ALDH1L1: variants seen among roughly 807,000 people sequenced by gnomAD.
ALDH1L1 encodes aldehyde dehydrogenase 1 family member L1.
In ALDH1L1, 68 loss-of-function variants were observed where a neutral mutation model predicts 101.1. The ratio of observed to expected loss-of-function variants is 0.67; its 90% CI spans 0.55 to 0.82. The LOEUF is 0.82. Among genes scored for constraint, ALDH1L1 ranks in the 40% least tolerant of loss-of-function variants. ALDH1L1 has a pLI of 0.00. For synonymous variants in ALDH1L1, 486 were observed against 470.8 expected, an observed-to-expected ratio of 1.03 and a Z score of -0.42; for missense variants, 1,087 against 1,172.7, an observed-to-expected ratio of 0.93 and a Z score of 1.07.
intron 1 of ALDH1L1, among the ~76,000 whole-genome samples, chr3:126,176,080 C>T (rs368244287): frequency 4.0e-4 from 61 of 152,216 alleles, no homozygotes; most frequent in African/African-American, 1.4e-3. Context: ...ATTAAAAACA[C>T]AAAACCATTT....
At chr3:126,106,646 C>A (rs1945882939) in intron 21 of ALDH1L1, among the ~76,000 whole-genome samples, 2 of 152,176 alleles carry the variant, frequency 1.3e-5, no homozygotes, top group African/African-American at 4.8e-5. Context: ...GCCTCGGCAA[C>A]CCCGAGGCTG....
At chr3:126,117,143 G>A (rs141835068) in intron 17 of ALDH1L1, among the ~76,000 whole-genome samples, 44 of 151,414 alleles carry the variant, frequency 2.9e-4, no homozygotes, top group Non-Finnish European at 4.9e-4. Flanking sequence ...TACTCAGGAG[G>A]CTAAGGTAGG....
chr3:126,176,876 C>T (rs1381707969), intron 1 of ALDH1L1, among the ~76,000 whole-genome samples: 2 of 152,106 alleles, frequency 1.3e-5, no homozygotes, highest in African/African-American at 4.8e-5. Flanking sequence ...AAACAAACAA[C>T]CCAATTTTAA....
At chr3:126,109,660 A>C (rs1946011879) in intron 20 of ALDH1L1, among the ~76,000 whole-genome samples, 2 of 152,140 alleles carry the variant, frequency 1.3e-5, no homozygotes, top group African/African-American at 4.8e-5. Context: ...GTCTCATGAA[A>C]TCTATGGGGG....
chr3:126,186,486 A>C (rs1370276948), upstream of ALDH1L1, among the ~76,000 whole-genome samples: 2 of 148,484 alleles, frequency 1.3e-5, no homozygotes, highest in African/African-American at 4.9e-5. Context: ...CCTGACCCTG[A>C]CCCTGAACCT....
intron 6 of ALDH1L1, among the ~76,000 whole-genome samples, chr3:126,154,198 G>A (rs1442451616): frequency 6.6e-6 from 1 of 152,218 alleles, no homozygotes; most frequent in African/African-American, 2.4e-5. Context: ...GCCTGGCCCT[G>A]AATGTGCTGC....
At chr3:126,192,406 C>T (rs2081558112) in intron 1 of ALDH1L1, among the ~76,000 whole-genome samples, 1 of 152,174 alleles carries the variant, frequency 6.6e-6, no homozygotes, top group South Asian at 2.1e-4. Context: ...ATACTTTTAA[C>T]CCTTCCTATA....
In ALDH1L1 at chr3:126,107,137, C is replaced by T; in HGVS notation, c.2453+4G>A. On this transcript the variant is annotated splice_donor_region_variant and intron_variant, in intron 21 of 22. Coordinates refer to ENST00000393434, the MANE Select transcript of ALDH1L1 (RefSeq NM_012190.4). ...GCCCTTGAGACATCAGCAGGATTCC[C>T]TACCCATCAGCAAACCGAGAGATGA... 1 of 1,613,458 alleles carries T rather than the reference C, an allele frequency of 6.2e-7. No homozygotes were observed.
intron 20 of ALDH1L1, 123 bp downstream of exon 20, chr3:126,109,820 GC>G: frequency 1.4e-6 from 2 of 1,380,644 alleles, no homozygotes; most frequent in South Asian, 2.7e-5. Flanking sequence ...CCCAGATGGG[GC>G]TGCAGCCTGA....
At chr3:126,153,131 C>T in intron 7 of ALDH1L1, 1 of 420,212 alleles carries the variant, frequency 2.4e-6, no homozygotes, top group Admixed American at 3.5e-5. Context: ...AACCCAGGCT[C>T]CCTGGGAGGG....
chr3:126,115,159 C>T (rs1451331257), intron 17 of ALDH1L1: 8 of 443,316 alleles, frequency 1.8e-5, no homozygotes, highest in Non-Finnish European at 3.7e-5. Flanking sequence ...AAAACAGCAC[C>T]ATCCGCTGGC....
rs1946034775 is a variant in ALDH1L1, at chr3:126,110,178, C to G, written c.2182-69G>C. 5 of 1,583,604 alleles carry G rather than the reference C, an allele frequency of 3.2e-6. No homozygotes were observed. The South Asian group carries it at 5.8e-5, about 18-fold the overall frequency. Reference sequence around the variant, plus strand: ...GTTTCTGACAATGATCCTCACCTGACTCAGCTCTCATGGCTGACCCCTGGG... The same window carrying G: ...GTTTCTGACAATGATCCTCACCTGAGTCAGCTCTCATGGCTGACCCCTGGG... On this transcript the variant is annotated intron_variant, in intron 19 of 22. Transcript: ENST00000393434.
intron 22 of ALDH1L1, chr3:126,104,704 C>G (rs1490610510): frequency 2.0e-5 from 3 of 152,404 alleles, no homozygotes; most frequent in African/African-American, 7.2e-5. Context: ...TGAGTCCAGC[C>G]CTGTGGGCAC....
rs1307730575 is a variant in ALDH1L1, at chr3:126,110,074, CG to C, written c.2216del (p.Pro739ArgfsTer18). The C allele has an allele frequency of 6.2e-7, 1 of 1,614,046 alleles. No individual in the cohort carries two copies. The highest frequency in any genetic ancestry group is 8.5e-7 in the Non-Finnish European group (1 of 1,180,028). ...EEVRKMKVGN[P>X]LDRDTDHGPQ... ...GCCCGTGGTCGGTGTCCCTGTCCAG[CG>C]GGTTGCCCACCTTCATCTTCCGCAC... On this transcript the variant is annotated frameshift_variant, in exon 20 of 23. Coordinates refer to ENST00000393434, the MANE Select transcript of ALDH1L1 (RefSeq NM_012190.4). LOFTEE classifies it high-confidence loss of function.
At chr3:126,161,046 T>C (rs1223305288) in intron 1 of ALDH1L1, 44 bp from the exon 2 acceptor site, 1 of 1,598,914 alleles carries the variant, frequency 6.3e-7, no homozygotes, top group African/African-American at 1.3e-5. Context: ...ATCGCTGGTC[T>C]CAGAGAAGCC....
chr3:126,106,373 T>C (rs919599213), intron 21 of ALDH1L1, among the ~76,000 whole-genome samples: 3 of 152,172 alleles, frequency 2.0e-5, no homozygotes, highest in Non-Finnish European at 4.4e-5. Flanking sequence ...TTTTTGGTAG[T>C]TGGATAGTAA....
intron 11 of ALDH1L1, among the ~76,000 whole-genome samples, chr3:126,136,484 A>G (rs2080448134): frequency 1.3e-5 from 2 of 152,012 alleles, no homozygotes; most frequent in African/African-American, 4.8e-5. Flanking sequence ...GCAGTGGCCT[A>G]ATTTCTTCCT....
chr3:126,157,037 C>T (rs1205321088), intron 4 of ALDH1L1, among the ~76,000 whole-genome samples: 6 of 152,170 alleles, frequency 3.9e-5, no homozygotes, highest in Admixed American at 3.9e-4. Flanking sequence ...CTCCTGGATT[C>T]AGCAGGGTGT....
intron 13 of ALDH1L1, 22 bp downstream of exon 13, chr3:126,131,362 T>G (rs769619165): frequency 6.4e-7 from 1 of 1,574,786 alleles, no homozygotes; most frequent in South Asian, 1.1e-5. Context: ...GTGCTCACAC[T>G]GGGTGGGAGC....
Sources: allele counts gnomAD v4.1 joint callset (sites outside exome capture counted in the v4.1 genomes callset), GRCh38; gene constraint gnomAD v4.1.1; transcripts MANE v1.5; gene names NCBI Gene and HGNC (gene_info 2026-07-23, HGNC 2026-07-21).